Variants in JPH3 observed in about 807,000 individuals in gnomAD.
JPH3 encodes the protein junctophilin-3.
JPH3 carries 11 observed loss-of-function variants against 59.6 expected under a neutral mutation model. The ratio of observed to expected loss-of-function variants is 0.18; its 90% CI spans 0.12 to 0.31. The LOEUF is 0.31. Ranked by LOEUF, JPH3 falls within the 10% of genes least tolerant of loss-of-function variation. The probability of loss-of-function intolerance (pLI) is 1.00; values close to 1 mark genes in which losing one functional copy is unlikely to be tolerated. For missense variants in JPH3, 1,202 were observed against 1,105.7 expected, an observed-to-expected ratio of 1.09 and a Z score of -1.24; for synonymous variants, 673 against 483.6, an observed-to-expected ratio of 1.39 and a Z score of -5.14.
intron 3 of JPH3, among the ~76,000 whole-genome samples, chr16:87,688,603 G>T (rs377040246): frequency 6.6e-6 from 1 of 152,146 alleles, no homozygotes; most frequent in South Asian, 2.1e-4. Context: ...GTCTCATGAG[G>T]TGGCCGCCCC....
intron 1 of JPH3, chr16:87,604,862 G>A (rs2030455008): frequency 2.5e-6 from 1 of 399,282 alleles, no homozygotes; most frequent in African/African-American, 2.1e-5. Flanking sequence ...CCGGTCTCAG[G>A]CGGCCTTTTC....
chr16:87,650,255 G>T (rs781473705), intron 2 of JPH3, among the ~76,000 whole-genome samples: 1 of 152,200 alleles, frequency 6.6e-6, no homozygotes, highest in African/African-American at 2.4e-5. Flanking sequence ...TCTGTGATCA[G>T]TGGTCTTTGA....
At chr16:87,642,709 G>A (rs926429490) in intron 1 of JPH3, among the ~76,000 whole-genome samples, 8 of 152,212 alleles carry the variant, frequency 5.3e-5, no homozygotes, top group East Asian at 3.9e-4. Context: ...GGTTTGCCGC[G>A]TTGGGCGTCG....
rs148529109 is a variant in JPH3, at chr16:87,642,217, G to A, written c.383-2041G>A. Among the ~76,000 whole-genome samples the A allele has an allele frequency of 3.4e-3, 508 of 151,584 alleles. 7 individuals carry two copies. Among genetic ancestry groups the A allele is most frequent in the African/African-American group, 0.011 (465 of 41,294 alleles). On this transcript the variant is annotated intron_variant, in intron 1 of 4. Transcript: ENST00000284262. ...TGGATCCCACCCTCTGGTGTGGGGC[G>A]TGTGAGTGGAGGGGGCCTGGCTAGG...
chr16:87,619,913 T>C (rs899111876), intron 1 of JPH3, among the ~76,000 whole-genome samples: 2 of 152,004 alleles, frequency 1.3e-5, no homozygotes, highest in African/African-American at 2.4e-5. Context: ...GGAGGAACCA[T>C]GGGGCCTCCC....
intron 2 of JPH3, among the ~76,000 whole-genome samples, chr16:87,671,643 A>G (rs955979137): frequency 6.1e-5 from 4 of 65,050 alleles, no homozygotes; most frequent in Non-Finnish European, 1.3e-4. Flanking sequence ...TCTGGGGTCC[A>G]GGCCACCTGC....
intron 3 of JPH3, among the ~76,000 whole-genome samples, chr16:87,686,701 G>T (rs957280424): frequency 6.6e-6 from 1 of 151,958 alleles, no homozygotes; most frequent in African/African-American, 2.4e-5. Context: ...TTCCTGGAGG[G>T]CTCAGTCCTG....
At chr16:87,652,093 G>A (rs2032342152) in intron 2 of JPH3, among the ~76,000 whole-genome samples, 1 of 152,090 alleles carries the variant, frequency 6.6e-6, no homozygotes. Flanking sequence ...TCCTGCCTCA[G>A]CCTCCCAAGT....
chr16:87,659,027 G>A (rs4843251), intron 2 of JPH3, among the ~76,000 whole-genome samples: 111,335 of 152,160 alleles, frequency 0.73, 41,029 homozygotes, highest in African/African-American at 0.81. Flanking sequence ...GGACAGCTGC[G>A]GCGGCCACAG....
At chr16:87,638,734 C>G (rs1471540622) in intron 1 of JPH3, among the ~76,000 whole-genome samples, 2 of 152,168 alleles carry the variant, frequency 1.3e-5, no homozygotes, top group African/African-American at 2.4e-5. Context: ...AGAGGCTTCT[C>G]TGCTTCCCCT....
chr16:87,669,545 GT>G (rs1193811940), intron 2 of JPH3, among the ~76,000 whole-genome samples: 3 of 152,188 alleles, frequency 2.0e-5, no homozygotes, highest in Non-Finnish European at 4.4e-5. Context: ...CCCTAGCACG[GT>G]GCTCACGACA....
intron 1 of JPH3, among the ~76,000 whole-genome samples, chr16:87,605,237 T>C (rs1206651143): frequency 1.3e-5 from 2 of 152,200 alleles, no homozygotes; most frequent in Admixed American, 6.5e-5. Flanking sequence ...TTTCGTTGTC[T>C]CTGAAACTCC....
chr16:87,653,321 C>T (rs1034191335), intron 2 of JPH3, among the ~76,000 whole-genome samples: 2 of 152,182 alleles, frequency 1.3e-5, no homozygotes, highest in Non-Finnish European at 2.9e-5. Context: ...TGCCTTGGGG[C>T]CCCTGCCTGT....
At chr16:87,647,851 C>T (rs2032204108) in intron 2 of JPH3, among the ~76,000 whole-genome samples, 1 of 152,204 alleles carries the variant, frequency 6.6e-6, no homozygotes, top group Non-Finnish European at 1.5e-5. Context: ...GGTGTCAGGC[C>T]TCAAAGGGGC....
rs1288572944 is a variant in JPH3 at position 87,668,370 on chromosome 16, A to G, written c.1161-15772A>G. 2.0e-5 allele frequency among the ~76,000 whole-genome samples: 3 copies of G among 151,820 alleles called. No individual in the cohort carries two copies. In the East Asian group the frequency reaches 5.8e-4, roughly 29 times the overall value. ...GGCAGTTCCCAGGCTTGTGTCCCTC[A>G]CCTCTCCGCAGACGCCCTTTCCAGA... On this transcript the variant is annotated intron_variant, in intron 2 of 4. Coordinates refer to ENST00000284262, the MANE Select transcript of JPH3 (RefSeq NM_020655.4).
At chr16:87,641,932 G>A (rs1380369377) in intron 1 of JPH3, among the ~76,000 whole-genome samples, 1 of 152,224 alleles carries the variant, frequency 6.6e-6, no homozygotes, top group Non-Finnish European at 1.5e-5. Context: ...CGCGGGTGCC[G>A]GGCATGGGGG....
intron 1 of JPH3, among the ~76,000 whole-genome samples, chr16:87,640,754 T>G (rs1261055344): frequency 1.3e-5 from 2 of 152,208 alleles, no homozygotes; most frequent in African/African-American, 4.8e-5. Flanking sequence ...AACGATGTGT[T>G]GTTCATCTGA....
chr16:87,643,433 T>C (rs1167889986), intron 1 of JPH3, among the ~76,000 whole-genome samples: 1 of 149,026 alleles, frequency 6.7e-6, no homozygotes, highest in Non-Finnish European at 1.5e-5. Context: ...CTGAAGGTCA[T>C]GGGCCACTGT....
intron 1 of JPH3, among the ~76,000 whole-genome samples, chr16:87,643,465 C>G (rs574442110): frequency 2.0e-5 from 3 of 151,028 alleles, no homozygotes; most frequent in African/African-American, 7.3e-5. Context: ...GCCCTTGAAT[C>G]TCTTCCATGG....
Sources: gnomAD v4.1 joint callset for allele counts (sites outside exome capture counted in the v4.1 genomes callset) on GRCh38, gnomAD v4.1.1 for gene constraint, MANE v1.5 for transcripts, NCBI Gene and HGNC (gene_info 2026-07-23, HGNC 2026-07-21) for gene names.